CTNND2: variants seen among roughly 807,000 people sequenced by gnomAD.
CTNND2 encodes the protein catenin delta-2.
A neutral mutation model predicts 144.4 loss-of-function variants in CTNND2; 22 were observed. The ratio of observed to expected loss-of-function variants is 0.15; its 90% confidence interval spans 0.11 to 0.22. The LOEUF (loss-of-function observed/expected upper bound fraction) is 0.22, where lower values mean the gene tolerates loss of function less well. Among genes scored for constraint, CTNND2 ranks in the 10% least tolerant of loss-of-function variants. CTNND2 has a pLI of 1.00. For missense variants in CTNND2, 1,353 were observed against 1,618.8 expected (o/e 0.84, Z 2.82); for synonymous variants, 751 against 695.6 (o/e 1.08, Z -1.25).
intron 3 of CTNND2, among the ~76,000 whole-genome samples, chr5:11,467,574 G>C (rs1243191870): frequency 6.6e-6 from 1 of 152,148 alleles, no homozygotes; most frequent in Non-Finnish European, 1.5e-5. Flanking sequence ...TTTTCTCTAG[G>C]GTTGTGTGTG....
chr5:11,223,454 A>T (rs1309757310), intron 10 of CTNND2, among the ~76,000 whole-genome samples: 1 of 152,108 alleles, frequency 6.6e-6, no homozygotes, highest in African/African-American at 2.4e-5. Flanking sequence ...GGCTATTCCC[A>T]TCCTTAGGCC....
At chr5:11,468,986 T>C (rs1294389241) in intron 3 of CTNND2, among the ~76,000 whole-genome samples, 1 of 152,148 alleles carries the variant, frequency 6.6e-6, no homozygotes, top group Non-Finnish European at 1.5e-5. Context: ...CTGCAGGTCA[T>C]ATATAACTCT....
chr5:11,440,847 T>G (rs993516868), intron 3 of CTNND2, among the ~76,000 whole-genome samples: 2 of 152,226 alleles, frequency 1.3e-5, no homozygotes, highest in Middle Eastern at 3.2e-3. Context: ...TGAAGCTCTA[T>G]TATCCATAAA....
Position 11,903,764 on chromosome 5 carries a change from C to G in CTNND2, c.37+53G>C. 2.7e-6 allele frequency: 4 copies of G among 1,458,346 alleles called. No homozygotes were observed. Among genetic ancestry groups the G allele is most frequent in the Non-Finnish European group, 3.6e-6 (4 of 1,107,484 alleles). 90.3% of individuals were successfully genotyped at this position (1,458,346 alleles called of 1,614,324 possible). On this transcript the variant is annotated intron_variant, in intron 1 of 21. Transcript: ENST00000304623. This position sits in a 1 kb window ranked among gnomAD's most constrained non-coding sequence, Gnocchi z 5.4. ...CCCACCAGCGGCAAGAGGAGGAGGA[C>G]GGCGCCGGGAGGAGGCTGCGCCCGG...
Position 11,588,835 on chromosome 5 carries a change from T to A in CTNND2, c.175-23779A>T, listed in dbSNP as rs1779041417. On this transcript the variant is annotated intron_variant, in intron 2 of 21. Transcript: ENST00000304623. ...CCAAAGATGAAGGGTTACTCTTCCCTCCTTCCCCAGGCTGTGGAGCAGGCG... is the reference window on the plus strand; with the variant it reads ...CCAAAGATGAAGGGTTACTCTTCCCACCTTCCCCAGGCTGTGGAGCAGGCG... The A allele has an allele frequency of 4.1e-6, 4 of 985,220 alleles. No individual in the cohort carries two copies. The Admixed American group carries it at 2.5e-4, about 61-fold the overall frequency. 61.0% of individuals were successfully genotyped at this position (985,220 alleles called of 1,614,324 possible). A position where few individuals can be genotyped will look rare whatever the true frequency, so the allele number is the denominator to read the frequency against.
intron 2 of CTNND2, among the ~76,000 whole-genome samples, chr5:11,602,345 A>G (rs914054968): frequency 6.6e-6 from 1 of 152,078 alleles, no homozygotes. Flanking sequence ...CTGAGAATCC[A>G]AAGAACACAA....
intron 3 of CTNND2, among the ~76,000 whole-genome samples, chr5:11,519,775 G>A (rs1368612308): frequency 1.3e-5 from 2 of 151,998 alleles, no homozygotes; most frequent in African/African-American, 4.8e-5. Flanking sequence ...TAGGTAGGTA[G>A]AGGTATAAAT....
chr5:11,829,033 T>C (rs1445609937), intron 1 of CTNND2, among the ~76,000 whole-genome samples: 1 of 152,150 alleles, frequency 6.6e-6, no homozygotes, highest in Admixed American at 6.5e-5. Context: ...ATTTTGTCCC[T>C]GCCCTAGAGA....
chr5:11,248,458 G>A (rs1350339433), intron 9 of CTNND2, among the ~76,000 whole-genome samples: 3 of 152,004 alleles, frequency 2.0e-5, no homozygotes, highest in East Asian at 3.9e-4. Flanking sequence ...GTGTGTGTTT[G>A]TACTTATGCA....
intron 9 of CTNND2, among the ~76,000 whole-genome samples, chr5:11,325,064 T>C (rs535495235): frequency 6.6e-6 from 1 of 152,246 alleles, no homozygotes; most frequent in Admixed American, 6.5e-5. Flanking sequence ...AACTCTTCAT[T>C]TCCTTTCTTG....
intron 2 of CTNND2, among the ~76,000 whole-genome samples, chr5:11,654,515 T>G (rs931848638): frequency 1.3e-5 from 2 of 152,108 alleles, no homozygotes; most frequent in Admixed American, 6.6e-5. Flanking sequence ...TAAAAGATTT[T>G]CATTAAAGAA....
rs10054151 is a variant in CTNND2 at position 11,335,329 on chromosome 5, T to C, written c.1628+11043A>G. ...AAGAAGCAATGGAAATTAATTTTCA[T>C]TAGTTAAACACTGACAGTCAACTAC... On this transcript the variant is annotated intron_variant, in intron 9 of 21. Coordinates refer to ENST00000304623, the MANE Select transcript of CTNND2 (RefSeq NM_001332.4). Among the ~76,000 whole-genome samples the C allele has an allele frequency of 4.5e-3, 679 of 152,330 alleles. 3 individuals are homozygous for C. The highest frequency in any genetic ancestry group is 0.016 in the African/African-American group (655 of 41,576).
intron 9 of CTNND2, among the ~76,000 whole-genome samples, chr5:11,343,184 C>CCAAT (rs1754438109): frequency 6.6e-6 from 1 of 152,168 alleles, no homozygotes; most frequent in Non-Finnish European, 1.5e-5. Context: ...CCCCTCAGAA[C>CCAAT]CAATCCTTTT....
Position 10,973,276 on chromosome 5 carries a change from T to C in CTNND2, c.*177A>G, listed in dbSNP as rs1208527371. On this transcript the variant is annotated 3_prime_UTR_variant, in exon 22 of 22. Transcript: ENST00000304623. This position sits in a 1 kb window ranked among gnomAD's most constrained non-coding sequence, Gnocchi z 5.6. ...GCTTTCTACTGATTTCCAAGTTAAC[T>C]TGCGATTCATTTAGCTTTCTAAAAT... The C allele has an allele frequency of 1.6e-5, 10 of 630,776 alleles. No homozygotes were observed. The highest frequency in any genetic ancestry group is 2.5e-5 in the Non-Finnish European group (10 of 401,498). 39.1% of individuals were successfully genotyped at this position (630,776 alleles called of 1,614,324 possible).
chr5:11,477,717 C>A (rs1376429860), intron 3 of CTNND2, among the ~76,000 whole-genome samples: 1 of 152,144 alleles, frequency 6.6e-6, no homozygotes, highest in Non-Finnish European at 1.5e-5. Context: ...CCACCTTGCC[C>A]ATCTTGACCC....
rs191784997 is a variant in CTNND2, at chr5:11,189,116, G to C, written c.1975+10332C>G. 2.6e-5 allele frequency among the ~76,000 whole-genome samples: 4 copies of C among 152,186 alleles called. No individual in the cohort carries two copies. The East Asian group carries it at 7.7e-4, about 29-fold the overall frequency. On this transcript the variant is annotated intron_variant, in intron 11 of 21. Transcript: ENST00000304623. ...ATTATGAAATTTCACTTATTGTCTT[G>C]ACACAGTTCACTCCTCTACATATGA... is the stretch of plus-strand genomic sequence containing the variant.
At chr5:11,018,113 T>A in intron 17 of CTNND2, 55 bp from the exon 18 acceptor site, 2 of 1,188,554 alleles carry the variant, frequency 1.7e-6, no homozygotes. Context: ...TGTGTCACAT[T>A]TCTGTAATTC....
chr5:11,812,954 T>C (rs1236891462), intron 1 of CTNND2, among the ~76,000 whole-genome samples: 1 of 152,114 alleles, frequency 6.6e-6, no homozygotes, highest in Non-Finnish European at 1.5e-5. Context: ...TAACCCAAAC[T>C]ATCACCCCCC....
rs147088400 is a variant in CTNND2 at position 11,876,505 on chromosome 5, C to T, written c.37+27312G>A. On this transcript the variant is annotated intron_variant, in intron 1 of 21. Coordinates refer to ENST00000304623, the MANE Select transcript of CTNND2 (RefSeq NM_001332.4). Reference sequence around the variant, plus strand: ...GGGTTAAAATCAATATAATCATATTCGCAACAAATTGACTGTGTATGTATA... The same window carrying T: ...GGGTTAAAATCAATATAATCATATTTGCAACAAATTGACTGTGTATGTATA... Among the ~76,000 whole-genome samples the T allele has an allele frequency of 2.3e-3, 355 of 152,144 alleles. 2 individuals are homozygous for T. The highest frequency in any genetic ancestry group is 0.014 in the Middle Eastern group (4 of 294).
Sources: gnomAD v4.1 joint callset for allele counts (sites outside exome capture counted in the v4.1 genomes callset) on GRCh38, gnomAD v4.1.1 for gene constraint, Gnocchi (gnomAD v3.1) non-coding constraint, MANE v1.5 for transcripts, NCBI Gene and HGNC (gene_info 2026-07-23, HGNC 2026-07-21) for gene names.